The following RGS22 variants were observed in gnomAD, a reference collection of about 807,000 sequenced individuals.
The protein encoded by RGS22 is regulator of G protein signaling 22, also known as regulator of G-protein signaling 22.
A neutral mutation model predicts 172.9 loss-of-function variants in RGS22; 148 were observed. That is an observed-to-expected ratio of 0.86 (90% confidence interval 0.75 to 0.98). The LOEUF is 0.98. RGS22 is among the 50% of genes least tolerant of loss of function. RGS22 has a pLI of 0.00. For missense variants in RGS22, 1,347 were observed against 1,440.8 expected (o/e 0.93, Z 1.05); for synonymous variants, 458 against 480.2 (o/e 0.95, Z 0.60).
At chr8:99,997,498 A>C (rs892336374) in intron 19 of RGS22, among the ~76,000 whole-genome samples, 1 of 152,186 alleles carries the variant, frequency 6.6e-6, no homozygotes, top group Non-Finnish European at 1.5e-5. Context: ...CATACTATAA[A>C]TTCTGTCTTC....
intron 2 of RGS22, among the ~76,000 whole-genome samples, chr8:100,101,124 AG>A (rs1267273662): frequency 2.0e-5 from 3 of 152,150 alleles, no homozygotes; most frequent in African/African-American, 7.2e-5. Context: ...CACAAGAAAA[AG>A]ATATTATTTT....
intron 14 of RGS22, among the ~76,000 whole-genome samples, chr8:100,015,862 C>T (rs1263578957): frequency 6.6e-6 from 1 of 152,206 alleles, no homozygotes; most frequent in African/African-American, 2.4e-5. Flanking sequence ...TCATATTTTG[C>T]TCTAGCCACG....
intron 16 of RGS22, among the ~76,000 whole-genome samples, chr8:100,005,703 A>G (rs1190231552): frequency 6.6e-6 from 1 of 152,206 alleles, no homozygotes; most frequent in African/African-American, 2.4e-5. Context: ...AGCAGCTGCC[A>G]TATAGAAAAT....
chr8:100,077,948 TC>T (rs1246602845), intron 4 of RGS22, among the ~76,000 whole-genome samples: 1 of 152,146 alleles, frequency 6.6e-6, no homozygotes, highest in Non-Finnish European at 1.5e-5. Flanking sequence ...GAATTGACCC[TC>T]CCCCCTTTAT....
chr8:100,060,400 G>A (rs1303449156), intron 9 of RGS22, among the ~76,000 whole-genome samples: 1 of 63,918 alleles, frequency 1.6e-5, no homozygotes. Flanking sequence ...CTTTAGCTAC[G>A]TGTATATATA....
rs572845533 is a variant in RGS22 at position 100,029,285 on chromosome 8, T to G, written c.2166+9646A>C. Among the ~76,000 whole-genome samples the G allele has an allele frequency of 2.0e-5, 3 of 152,274 alleles. No homozygotes were observed. In the East Asian group the frequency reaches 5.8e-4, roughly 29 times the overall value. On this transcript the variant is annotated intron_variant, in intron 14 of 27. Transcript: ENST00000360863. Reference sequence around the variant, plus strand: ...GCCCAGAATCCTGACCTACATAAACTATGAGATAATGATGTGTGTTGCTTT... The same window carrying G: ...GCCCAGAATCCTGACCTACATAAACGATGAGATAATGATGTGTGTTGCTTT...
At position 99,962,762 on chromosome 8, in the gene RGS22, G is replaced by A. The variant is rs1385428149; in HGVS notation, c.3715C>T (p.Gln1239Ter). Residue 1239 changes from glutamine (Q) to a stop codon, truncating the protein, a stop_gained, in exon 26 of 28, where the codon CAA becomes TAA. Transcript: ENST00000360863. LOFTEE classifies it high-confidence loss of function. ...CTAGCCTTAAAATTTGTGAGAGGTT[G>A]CAAGCCTGCACAAAAATAAAAGAGA... ...ELEKKLFAGL[Q>*]PLTNFKASSS... 5.0e-6 allele frequency: 8 copies of A among 1,607,240 alleles called. No homozygotes were observed. Among genetic ancestry groups the A allele is most frequent in the Non-Finnish European group, 6.8e-6 (8 of 1,177,860 alleles).
intron 9 of RGS22, chr8:100,054,190 G>A (rs892212024): frequency 3.9e-5 from 6 of 152,194 alleles, no homozygotes; most frequent in African/African-American, 1.4e-4. Flanking sequence ...CCAGCTGTAA[G>A]AGCCTGCTGC....
rs567853204 is a variant in RGS22 at position 99,968,387 on chromosome 8, C to T, written c.3520-2957G>A. 3.2e-4 allele frequency among the ~76,000 whole-genome samples: 48 copies of T among 152,114 alleles called. 1 individual carries two copies. The South Asian group carries it at 5.6e-3, about 18-fold the overall frequency. On this transcript the variant is annotated intron_variant, in intron 23 of 27. Transcript: ENST00000360863. ...AAAACGGGATGAAGAATGAGTTTGA[C>T]GAATTGACAGAAATAGGCTTCAGAA...
At chr8:100,046,776 C>T (rs1462935269) in intron 11 of RGS22, among the ~76,000 whole-genome samples, 2 of 151,644 alleles carry the variant, frequency 1.3e-5, no homozygotes, top group Non-Finnish European at 2.9e-5. Flanking sequence ...GCTTTGCTTA[C>T]GAGAGTCAAA....
chr8:100,104,077 G>C (rs895737658), intron 2 of RGS22, among the ~76,000 whole-genome samples: 1 of 152,202 alleles, frequency 6.6e-6, no homozygotes, highest in African/African-American at 2.4e-5. Context: ...CAGCACTTTG[G>C]GAGGCCGAGG....
chr8:100,044,812 A>G (rs1820542868), intron 11 of RGS22, among the ~76,000 whole-genome samples: 1 of 151,764 alleles, frequency 6.6e-6, no homozygotes, highest in African/African-American at 2.4e-5. Context: ...TCGATTTTCT[A>G]CTTGTAATTG....
Position 99,962,784 on chromosome 8 carries a change from G to C in RGS22, c.3710-17C>G, listed in dbSNP as rs1203905237. ...GTTGCAAGCCTGCACAAAAATAAAA[G>C]AGATAAGAAAAACAGTAAAGTAAAT... On this transcript the variant is annotated splice_polypyrimidine_tract_variant and intron_variant, in intron 25 of 27. Coordinates refer to ENST00000360863, the MANE Select transcript of RGS22 (RefSeq NM_015668.5). 1.3e-6 allele frequency: 2 copies of C among 1,591,000 alleles called. No homozygotes were observed. Among genetic ancestry groups the C allele is most frequent in the African/African-American group, 1.4e-5 (1 of 71,580 alleles).
At position 100,093,435 on chromosome 8, in the gene RGS22, T is replaced by G. The variant is rs759590188; in HGVS notation, c.117+12A>C. Reference sequence around the variant, plus strand: ...ATAATATATATTCAATAGATCATAATAATAAACTCACTGGAAGGCTTAGGA... The same window carrying G: ...ATAATATATATTCAATAGATCATAAGAATAAACTCACTGGAAGGCTTAGGA... On this transcript the variant is annotated intron_variant, in intron 3 of 27. Transcript: ENST00000360863. 6.6e-7 allele frequency: 1 copy of G among 1,522,046 alleles called. No individual in the cohort carries two copies. The highest frequency in any genetic ancestry group is 9.1e-7 in the Non-Finnish European group (1 of 1,104,680). 94.3% of individuals were successfully genotyped at this position (1,522,046 alleles called of 1,614,324 possible). A position where few individuals can be genotyped will look rare whatever the true frequency, so the allele number is the denominator to read the frequency against.
At chr8:100,039,315 T>C (rs1760326706) in intron 13 of RGS22, among the ~76,000 whole-genome samples, 1 of 152,106 alleles carries the variant, frequency 6.6e-6, no homozygotes, top group Non-Finnish European at 1.5e-5. Context: ...TATTTTGATA[T>C]ATATGGGCAA....
At chr8:100,054,942 G>T (rs893770295) in intron 9 of RGS22, among the ~76,000 whole-genome samples, 1 of 152,160 alleles carries the variant, frequency 6.6e-6, no homozygotes, top group South Asian at 2.1e-4. Context: ...AAGGAACAGT[G>T]GGAAGCACTA....
At chr8:100,036,098 A>T (rs1008848910) in intron 14 of RGS22, among the ~76,000 whole-genome samples, 1 of 152,130 alleles carries the variant, frequency 6.6e-6, no homozygotes, top group Admixed American at 6.5e-5. Context: ...CTAGAACTTA[A>T]AACATAATAA....
rs1486420891 is a variant in RGS22, at chr8:100,062,763, A to G, written c.1353-11T>C. ...ATCTTCTCAAGATGTCTGAAATAAAACACATTTCCATATATACACACACAC... is the reference window on the plus strand; with the variant it reads ...ATCTTCTCAAGATGTCTGAAATAAAGCACATTTCCATATATACACACACAC... On this transcript the variant is annotated splice_polypyrimidine_tract_variant and intron_variant, in intron 8 of 27. Transcript: ENST00000360863. The G allele has an allele frequency of 6.3e-7, 1 of 1,588,920 alleles. No homozygotes were observed. The highest frequency in any genetic ancestry group is 1.4e-5 in the African/African-American group (1 of 73,506).
At chr8:99,974,892 A>T (rs1195212037) in intron 23 of RGS22, among the ~76,000 whole-genome samples, 1 of 152,058 alleles carries the variant, frequency 6.6e-6, no homozygotes, top group Non-Finnish European at 1.5e-5. Context: ...TCACACCTGT[A>T]ATCCCAGCAC....
Sources: gnomAD v4.1 joint callset for allele counts (sites outside exome capture counted in the v4.1 genomes callset) on GRCh38, gnomAD v4.1.1 for gene constraint, MANE v1.5 for transcripts, NCBI Gene and HGNC (gene_info 2026-07-23, HGNC 2026-07-21) for gene names.